SASH1: variants seen among roughly 807,000 people sequenced by gnomAD.
The protein encoded by SASH1 is SAM and SH3 domain containing 1, also known as SAM and SH3 domain-containing protein 1.
SASH1 carries 44 observed loss-of-function variants against 125.2 expected under a neutral mutation model. The ratio of observed to expected loss-of-function variants is 0.35; its 90% CI spans 0.28 to 0.45. The LOEUF is 0.45. Ranked by LOEUF, SASH1 falls within the 20% of genes least tolerant of loss-of-function variation. SASH1 has a pLI of 1.00. For synonymous variants in SASH1, 639 were observed against 649.1 expected (o/e 0.98, Z 0.24); for missense variants, 1,426 against 1,614.5 (o/e 0.88, Z 2.00).
intron 4 of SASH1, among the ~76,000 whole-genome samples, chr6:148,454,701 C>T (rs963687610): frequency 1.3e-5 from 2 of 152,102 alleles, no homozygotes; most frequent in African/African-American, 2.4e-5. Context: ...CCACTGTCAG[C>T]GTGAGGAGGT....
At chr6:148,342,290 C>A (rs945577567), upstream of SASH1, among the ~76,000 whole-genome samples, 7 of 152,132 alleles carry the variant, frequency 4.6e-5, no homozygotes, top group African/African-American at 1.7e-4. Context: ...TTCCTTGGGT[C>A]GCTTGACTTC....
the SASH1 span, among the ~76,000 whole-genome samples, chr6:148,195,077 T>C: frequency 6.6e-6 from 1 of 152,248 alleles, no homozygotes; most frequent in Non-Finnish European, 1.5e-5. Flanking sequence ...TATTCAAACA[T>C]TTAATACATT....
intron 2 of SASH1, among the ~76,000 whole-genome samples, chr6:148,405,772 G>C (rs935934844): frequency 7.2e-5 from 11 of 152,140 alleles, no homozygotes; most frequent in African/African-American, 1.9e-4. Context: ...CTGGACCCCT[G>C]ACTCCATTTT....
At chr6:148,260,965 C>A in the SASH1 span, among the ~76,000 whole-genome samples, 5 of 151,890 alleles carry the variant, frequency 3.3e-5, no homozygotes, top group East Asian at 9.8e-4. Flanking sequence ...CCACCACACC[C>A]GGCTAATTTT....
intron 2 of SASH1, among the ~76,000 whole-genome samples, chr6:148,404,015 C>G (rs1437055191): frequency 6.6e-6 from 1 of 152,126 alleles, no homozygotes; most frequent in East Asian, 1.9e-4. Flanking sequence ...TACTGTATCT[C>G]TATGGCCAGA....
At chr6:148,353,838 A>C (rs1781828519) in intron 1 of SASH1, among the ~76,000 whole-genome samples, 1 of 152,204 alleles carries the variant, frequency 6.6e-6, no homozygotes. Flanking sequence ...TTCAGTTTAC[A>C]TATTGAGAAA....
chr6:148,229,131 C>T, the SASH1 span, among the ~76,000 whole-genome samples: 2 of 43,050 alleles, frequency 4.6e-5, no homozygotes, highest in African/African-American at 3.8e-4. Context: ...AAGACTCCAT[C>T]TCAAAAAAAA....
Position 148,284,581 on chromosome 6 carries a change from A to G in SASH1, n.74+12204A>G, listed in dbSNP as rs190294599. 5.3e-5 allele frequency among the ~76,000 whole-genome samples: 8 copies of G among 152,320 alleles called. No homozygotes were observed. The East Asian group carries it at 1.5e-3, about 29-fold the overall frequency. On this transcript the variant is annotated intron_variant and non_coding_transcript_variant, in intron 1 of 3. Coordinates refer to the SASH1 transcript ENST00000367469. ...AGTCTTGTTTCAAAGTATTTTCCAG[A>G]GCTTTGAAATCTTATTTTATACATA...
intron 1 of SASH1, among the ~76,000 whole-genome samples, chr6:148,368,770 G>GCACGCGCGCACACACACACACACA (rs1554245333): frequency 2.9e-5 from 4 of 135,638 alleles, no homozygotes; most frequent in Non-Finnish European, 6.4e-5. Flanking sequence ...GCACGCGCGC[G>GCACGCGCGCACACACACACACACA]CACACACACA....
chr6:148,407,953 C>T (rs1784444627), intron 2 of SASH1, among the ~76,000 whole-genome samples: 1 of 151,830 alleles, frequency 6.6e-6, no homozygotes, highest in South Asian at 2.1e-4. Flanking sequence ...TTTTGAGGAA[C>T]CTCCATACTG....
At chr6:148,348,834 A>G (rs1781602669) in intron 1 of SASH1, among the ~76,000 whole-genome samples, 1 of 152,220 alleles carries the variant, frequency 6.6e-6, no homozygotes, top group Non-Finnish European at 1.5e-5. Flanking sequence ...AATTCTACAA[A>G]AGGTTAGTTT....
At chr6:148,437,856 T>C (rs1187223049) in intron 2 of SASH1, among the ~76,000 whole-genome samples, 1 of 152,268 alleles carries the variant, frequency 6.6e-6, no homozygotes. Context: ...AATAAGCAAC[T>C]ACTTTGTATG....
chr6:148,487,014 T>TTTG (rs1291945510), intron 7 of SASH1, among the ~76,000 whole-genome samples: 1 of 116,874 alleles, frequency 8.6e-6, no homozygotes, highest in East Asian at 2.3e-4. Context: ...TATATATATG[T>TTTG]TTTTATATAT....
At chr6:148,401,341 G>A (rs1454984488) in intron 2 of SASH1, among the ~76,000 whole-genome samples, 2 of 151,934 alleles carry the variant, frequency 1.3e-5, no homozygotes, top group Admixed American at 1.3e-4. Context: ...ACTAGCTCAT[G>A]GGGTAACTTT....
At chr6:148,338,021 GA>G (rs1174644352), upstream of SASH1, among the ~76,000 whole-genome samples, 1 of 119,012 alleles carries the variant, frequency 8.4e-6, no homozygotes, top group African/African-American at 2.7e-5. Context: ...AGAAAAAGGG[GA>G]GTAGGATTCC....
chr6:148,199,718 A>G, the SASH1 span, among the ~76,000 whole-genome samples: 1 of 151,690 alleles, frequency 6.6e-6, no homozygotes. Flanking sequence ...AAGAGAAAGA[A>G]AGGAAGGGAG....
rs565670684 is a variant in SASH1 at position 148,546,209 on chromosome 6, C to G, written c.3480+63C>G. On this transcript the variant is annotated intron_variant, in intron 19 of 19. Coordinates refer to ENST00000367467, the MANE Select transcript of SASH1 (RefSeq NM_015278.5). ...TTTAGTGATCACGCTTAGTGATGAC[C>G]ATACTAACAACTGCCAAGTAGGCAA... The G allele has an allele frequency of 4.7e-5, 73 of 1,558,148 alleles. 1 individual carries two copies. The South Asian group carries it at 8.7e-4, about 19-fold the overall frequency.
intron 1 of SASH1, among the ~76,000 whole-genome samples, chr6:148,310,595 A>G (rs1350870632): frequency 6.6e-6 from 1 of 152,180 alleles, no homozygotes; most frequent in Non-Finnish European, 1.5e-5. Flanking sequence ...TGAGAAGGCA[A>G]CCACACACTG....
At chr6:148,336,758 G>T (rs551606934) in intron 1 of SASH1, among the ~76,000 whole-genome samples, 1 of 152,166 alleles carries the variant, frequency 6.6e-6, no homozygotes, top group Non-Finnish European at 1.5e-5. Context: ...CCTCTGATTG[G>T]TTGAGCTTAA....
Sources: gnomAD v4.1 joint callset for allele counts (sites outside exome capture counted in the v4.1 genomes callset) on GRCh38, gnomAD v4.1.1 for gene constraint, MANE v1.5 for transcripts, NCBI Gene and HGNC (gene_info 2026-07-23, HGNC 2026-07-21) for gene names.